The following SGF29 variants were observed in gnomAD, a reference collection of about 807,000 sequenced individuals.
SGF29 encodes the protein SAGA complex associated factor 29.
Under a neutral mutation model 38.1 loss-of-function variants are expected in SGF29, and 15 were observed. The observed-to-expected ratio is 0.39, with a 90% CI of 0.26 to 0.61. The LOEUF is 0.61. SGF29 is among the 20% of genes least tolerant of loss of function. SGF29 has a pLI of 0.49. For synonymous variants in SGF29, 151 were observed against 160.8 expected (o/e 0.94, Z 0.46); for missense variants, 184 against 394.6 (o/e 0.47, Z 4.52).
In SGF29 at chr16:28,553,943, AAAAGG is replaced by A. The variant is rs2151638698; in HGVS notation, c.-166_-162del. 1 of 111,604 alleles carries A rather than the reference AAAAGG, an allele frequency of 9.0e-6. No individual in the cohort carries two copies. Among genetic ancestry groups the A allele is most frequent in the African/African-American group, 3.0e-5 (1 of 33,032 alleles). 6.9% of individuals were successfully genotyped at this position (111,604 alleles called of 1,614,324 possible). A position where few individuals can be genotyped will look rare whatever the true frequency, so the allele number is the denominator to read the frequency against. Reference sequence around the variant, plus strand: ...GTCCTCCGCGCGCGACTACGCTCATAAAAGGAAAAAAAAGCGTGTGCGGTTCTCGA... The same window carrying A: ...GTCCTCCGCGCGCGACTACGCTCATAAAAAAAAAGCGTGTGCGGTTCTCGA... On this transcript the variant is annotated 5_prime_UTR_variant, in exon 1 of 10. Transcript: ENST00000317058.
intron 3 of SGF29, 121 bp downstream of exon 3, chr16:28,585,109 A>T: frequency 1.4e-6 from 1 of 720,336 alleles, no homozygotes; most frequent in Non-Finnish European, 2.3e-6. Context: ...CATATTCCAA[A>T]ATGCAGCAGG....
intron 1 of SGF29, among the ~76,000 whole-genome samples, chr16:28,559,283 T>A (rs748324004): frequency 1.3e-5 from 2 of 152,150 alleles, no homozygotes; most frequent in Non-Finnish European, 1.5e-5. Context: ...TTACACCACT[T>A]CACTCCAGCC....
chr16:28,566,135 G>C (rs951462589), intron 1 of SGF29, among the ~76,000 whole-genome samples: 3 of 151,850 alleles, frequency 2.0e-5, no homozygotes, highest in Non-Finnish European at 4.4e-5. Flanking sequence ...TTAGCCAGGC[G>C]TGGTGGCGGG....
chr16:28,561,400 G>A (rs2046789089), intron 1 of SGF29, among the ~76,000 whole-genome samples: 1 of 152,120 alleles, frequency 6.6e-6, no homozygotes, highest in Non-Finnish European at 1.5e-5. Flanking sequence ...GGGTGCGGTA[G>A]CTGGCACCTG....
At chr16:28,587,374 C>T (rs888566950) in intron 4 of SGF29, among the ~76,000 whole-genome samples, 3 of 152,252 alleles carry the variant, frequency 2.0e-5, no homozygotes, top group African/African-American at 7.2e-5. Context: ...GTATCCTCCA[C>T]ACAGGCCTGG....
intron 1 of SGF29, among the ~76,000 whole-genome samples, chr16:28,566,135 G>A (rs951462589): frequency 1.4e-4 from 22 of 151,848 alleles, no homozygotes; most frequent in Non-Finnish European, 3.1e-4. Context: ...TTAGCCAGGC[G>A]TGGTGGCGGG....
chr16:28,564,670 T>C (rs1487254267), intron 1 of SGF29, among the ~76,000 whole-genome samples: 3 of 97,182 alleles, frequency 3.1e-5, no homozygotes, highest in Non-Finnish European at 4.2e-5. Flanking sequence ...TATATGCATA[T>C]ATATGTATAT....
At chr16:28,564,501 CTGTGTGTGTATATATATA>C (rs1210718771) in intron 1 of SGF29, among the ~76,000 whole-genome samples, 45 of 136,068 alleles carry the variant, frequency 3.3e-4, no homozygotes, top group African/African-American at 1.2e-3. Flanking sequence ...GGACAGAACT[CTGTGTGTGTATATATATA>C]TGTGTGTGTA....
At chr16:28,589,589 AT>A (rs538071268) in intron 5 of SGF29, among the ~76,000 whole-genome samples, 22 of 152,348 alleles carry the variant, frequency 1.4e-4, no homozygotes, top group Admixed American at 5.2e-4. Flanking sequence ...GGTGGGCAGA[AT>A]CTTGGCATGT....
chr16:28,581,266 A>C, intron 2 of SGF29, 122 bp downstream of exon 2: 1 of 841,086 alleles, frequency 1.2e-6, no homozygotes, highest in Non-Finnish European at 1.9e-6. Flanking sequence ...GACGTAATAA[A>C]AGTGAAAGGA....
intron 1 of SGF29, among the ~76,000 whole-genome samples, chr16:28,570,917 T>C (rs371862366): frequency 4.6e-5 from 7 of 152,202 alleles, no homozygotes; most frequent in African/African-American, 1.4e-4. Context: ...CTCTGGACTT[T>C]AGACTTTTGA....
At chr16:28,576,395 CTAAAAT>C (rs1474051734) in intron 1 of SGF29, among the ~76,000 whole-genome samples, 4 of 151,860 alleles carry the variant, frequency 2.6e-5, no homozygotes, top group East Asian at 1.9e-4. Context: ...TCCCCAAAAC[CTAAAAT>C]TAAAATTAAA....
intron 3 of SGF29, 168 bp downstream of exon 3, chr16:28,585,156 A>T (rs1023980814): frequency 1.7e-6 from 1 of 592,360 alleles, no homozygotes; most frequent in Admixed American, 3.1e-5. Flanking sequence ...GACCTGAAGA[A>T]CTAAAATCCC....
chr16:28,561,143 A>ACAATTTGGGAGGCT (rs1363590071), intron 1 of SGF29, among the ~76,000 whole-genome samples: 1 of 151,968 alleles, frequency 6.6e-6, no homozygotes, highest in East Asian at 1.9e-4. Context: ...TATAATCCCA[A>ACAATTTGGGAGGCT]CAATTTGGGA....
chr16:28,560,792 T>A (rs1319981918), intron 1 of SGF29, among the ~76,000 whole-genome samples: 2 of 151,708 alleles, frequency 1.3e-5, no homozygotes, highest in East Asian at 3.9e-4. Flanking sequence ...AAACCCCGTC[T>A]CTGCTAAAAA....
chr16:28,589,972 G>C, intron 5 of SGF29, 124 bp from the exon 6 acceptor site: 1 of 1,357,756 alleles, frequency 7.4e-7, no homozygotes, highest in Non-Finnish European at 9.9e-7. Context: ...AGTCCTGCTG[G>C]GCCCTCGGGC....
chr16:28,557,500 T>A (rs1184621177), intron 1 of SGF29, among the ~76,000 whole-genome samples: 1 of 152,210 alleles, frequency 6.6e-6, no homozygotes, highest in Non-Finnish European at 1.5e-5. Context: ...TAAACCTAAG[T>A]GTTTCCCTGA....
intron 2 of SGF29, 121 bp downstream of exon 2, chr16:28,581,265 A>G: frequency 1.2e-6 from 1 of 856,948 alleles, no homozygotes; most frequent in Non-Finnish European, 1.9e-6. Flanking sequence ...TGACGTAATA[A>G]AAGTGAAAGG....
At chr16:28,589,474 G>A in intron 5 of SGF29, 1 of 338,734 alleles carries the variant, frequency 3.0e-6, no homozygotes, top group Non-Finnish European at 5.6e-6. Context: ...TGTTGCCCTG[G>A]CTGGTTTCTG....
Sources: gnomAD v4.1 joint callset for allele counts (sites outside exome capture counted in the v4.1 genomes callset) on GRCh38, gnomAD v4.1.1 for gene constraint, MANE v1.5 for transcripts, NCBI Gene and HGNC (gene_info 2026-07-23, HGNC 2026-07-21) for gene names.